THSD7B: variants seen among roughly 807,000 people sequenced by gnomAD.
THSD7B encodes thrombospondin type-1 domain-containing protein 7B.
A neutral mutation model predicts 213.6 loss-of-function variants in THSD7B; 138 were observed. The ratio of observed to expected loss-of-function variants is 0.65; its 90% CI spans 0.56 to 0.74. The LOEUF is 0.74. THSD7B is among the 30% of genes least tolerant of loss of function. The pLI, the probability that THSD7B is intolerant of heterozygous loss-of-function variation, is 0.00. For missense variants in THSD7B, 1,931 were observed against 1,991.5 expected (o/e 0.97, Z 0.58); for synonymous variants, 742 against 687.0 (o/e 1.08, Z -1.25).
At chr2:136,968,559 CTG>C (rs1008345359) in intron 2 of THSD7B, among the ~76,000 whole-genome samples, 2 of 151,958 alleles carry the variant, frequency 1.3e-5, no homozygotes, top group African/African-American at 4.8e-5. Context: ...TCTGCCATGT[CTG>C]TATTTTCGCT....
chr2:137,232,822 G>T, intron 8 of THSD7B, 77 bp from the exon 9 acceptor site: 1 of 1,363,526 alleles, frequency 7.3e-7, no homozygotes, highest in Admixed American at 1.9e-5. Flanking sequence ...TGTCTCTCTA[G>T]ACCATTAAAG....
intron 4 of THSD7B, among the ~76,000 whole-genome samples, chr2:137,113,224 A>G (rs1175745908): frequency 7.2e-5 from 11 of 152,136 alleles, no homozygotes; most frequent in African/African-American, 2.4e-4. Context: ...TGAAAGATCT[A>G]TCTGTGCCCT....
intron 5 of THSD7B, among the ~76,000 whole-genome samples, chr2:137,131,596 A>T (rs1688733865): frequency 6.6e-6 from 1 of 152,314 alleles, no homozygotes; most frequent in East Asian, 1.9e-4. Flanking sequence ...CTTTCTACAT[A>T]TGGCTAGCCA....
chr2:137,592,447 T>C (rs906711766), intron 17 of THSD7B, among the ~76,000 whole-genome samples: 28 of 151,894 alleles, frequency 1.8e-4, no homozygotes, highest in African/African-American at 5.1e-4. Flanking sequence ...CTTTAATTTC[T>C]GTATTTTAGC....
intron 1 of THSD7B, among the ~76,000 whole-genome samples, chr2:136,802,745 A>G (rs1682212813): frequency 1.4e-5 from 2 of 140,980 alleles, no homozygotes; most frequent in Non-Finnish European, 3.0e-5. Flanking sequence ...TTTGTCTACA[A>G]TGAAATATTA....
intron 1 of THSD7B, among the ~76,000 whole-genome samples, chr2:136,840,098 G>C (rs1229549658): frequency 1.3e-5 from 2 of 152,116 alleles, no homozygotes; most frequent in Admixed American, 1.3e-4. Flanking sequence ...CAAAAAAGAG[G>C]CTGAGCGTGG....
chr2:137,230,637 C>T (rs1231989448), intron 7 of THSD7B, among the ~76,000 whole-genome samples: 1 of 152,128 alleles, frequency 6.6e-6, no homozygotes, highest in Non-Finnish European at 1.5e-5. Flanking sequence ...CAAAAGAAAA[C>T]TAGAATTATA....
intron 3 of THSD7B, among the ~76,000 whole-genome samples, chr2:137,090,339 C>T (rs1687927901): frequency 6.6e-6 from 1 of 151,840 alleles, no homozygotes; most frequent in South Asian, 2.1e-4. Context: ...GAAATTTGAA[C>T]CAAATGTTAG....
chr2:137,655,422 T>A, intron 21 of THSD7B, 79 bp from the exon 22 acceptor site: 2 of 1,455,074 alleles, frequency 1.4e-6, no homozygotes, highest in South Asian at 2.8e-5. Context: ...ATGGTCTTCT[T>A]AGGCAAGAGG....
chr2:137,584,764 C>T (rs954519360), intron 17 of THSD7B, among the ~76,000 whole-genome samples: 4 of 152,078 alleles, frequency 2.6e-5, no homozygotes, highest in African/African-American at 9.7e-5. Context: ...ATTTTTGCAT[C>T]GATGTTCATA....
At chr2:137,415,678 T>G (rs1268438560) in intron 14 of THSD7B, among the ~76,000 whole-genome samples, 4 of 149,930 alleles carry the variant, frequency 2.7e-5, no homozygotes, top group Non-Finnish European at 4.4e-5. Flanking sequence ...TTTTTTTTTT[T>G]TTTTTTTTTT....
rs866044610 is a variant in THSD7B at position 137,401,639 on chromosome 2, T to C, written c.2501-3974T>C. Among the ~76,000 whole-genome samples the C allele has an allele frequency of 1.3e-3, 191 of 151,188 alleles. 1 individual carries two copies. Among genetic ancestry groups the C allele is most frequent in the African/African-American group, 4.3e-3 (176 of 41,272 alleles). On this transcript the variant is annotated intron_variant, in intron 12 of 27. Transcript: ENST00000409968. The stretch of plus-strand genomic sequence containing the variant: ...GCTGAGTTTTTTCTTTCTTTCTTTT[T>C]TTTTTTTTTTTTCTTCAACTCTGCA...
chr2:137,252,001 G>T (rs1682188871), intron 10 of THSD7B, among the ~76,000 whole-genome samples: 1 of 152,100 alleles, frequency 6.6e-6, no homozygotes, highest in South Asian at 2.1e-4. Flanking sequence ...GGGCGCAGTG[G>T]CTCACGCCTG....
At chr2:136,824,230 G>C (rs569199804) in intron 1 of THSD7B, among the ~76,000 whole-genome samples, 1 of 151,954 alleles carries the variant, frequency 6.6e-6, no homozygotes, top group African/African-American at 2.4e-5. Context: ...TATTGTTTTT[G>C]ATATGTATAC....
chr2:136,937,246 T>C lies in THSD7B; in HGVS notation c.139+54929T>C, dbSNP rs143269205. On this transcript the variant is annotated intron_variant, in intron 2 of 27. Coordinates refer to ENST00000409968, the MANE Select transcript of THSD7B (RefSeq NM_001316349.2). ...GCCACTCTGGTGTACTCAAGTTCTCTGGTACTTTGGTTTCTGCTTGGTCAT... is the reference window on the plus strand; with the variant it reads ...GCCACTCTGGTGTACTCAAGTTCTCCGGTACTTTGGTTTCTGCTTGGTCAT... 1.6e-4 allele frequency among the ~76,000 whole-genome samples: 25 copies of C among 152,072 alleles called. No individual in the cohort carries two copies. The East Asian group carries it at 4.9e-3, about 30-fold the overall frequency.
At chr2:137,052,200 G>T (rs565280454) in intron 2 of THSD7B, among the ~76,000 whole-genome samples, 3 of 152,192 alleles carry the variant, frequency 2.0e-5, no homozygotes, top group South Asian at 4.2e-4. Flanking sequence ...AAAATACTTG[G>T]ACTATTCAAC....
At chr2:137,082,193 C>A (rs1687760062) in intron 3 of THSD7B, among the ~76,000 whole-genome samples, 1 of 152,022 alleles carries the variant, frequency 6.6e-6, no homozygotes, top group South Asian at 2.1e-4. Context: ...CAATTTTTTT[C>A]ATGGAATCTT....
chr2:137,131,733 G>A (rs375009684), intron 5 of THSD7B, among the ~76,000 whole-genome samples: 20 of 152,084 alleles, frequency 1.3e-4, no homozygotes, highest in East Asian at 1.9e-4. Context: ...TGTTCCATTG[G>A]TCTATATCTC....
At chr2:137,132,521 C>G (rs1688757047) in intron 5 of THSD7B, among the ~76,000 whole-genome samples, 1 of 151,908 alleles carries the variant, frequency 6.6e-6, no homozygotes. Context: ...TTAACTGTGC[C>G]CAGTATTAAG....
Sources: allele counts gnomAD v4.1 joint callset (sites outside exome capture counted in the v4.1 genomes callset), GRCh38; gene constraint gnomAD v4.1.1; transcripts MANE v1.5; gene names NCBI Gene and HGNC (gene_info 2026-07-23, HGNC 2026-07-21).